Variants in MACF1 observed in about 807,000 individuals in gnomAD.
MACF1 encodes the protein microtubule-actin cross-linking factor 1.
MACF1 carries 193 observed loss-of-function variants against 854.8 expected under a neutral mutation model. The observed-to-expected ratio is 0.23, with a 90% CI of 0.20 to 0.25. The LOEUF is 0.25. Ranked by LOEUF, MACF1 falls within the 10% of genes least tolerant of loss-of-function variation. The pLI is 1.00. For synonymous variants in MACF1, 3,185 were observed against 3,226.7 expected (o/e 0.99, Z 0.44); for missense variants, 7,722 against 8,929.1 (o/e 0.86, Z 5.45).
At chr1:39,452,624 C>G in intron 86 of MACF1, 60 bp from the exon 87 acceptor site, 1 of 1,603,076 alleles carries the variant, frequency 6.2e-7, no homozygotes, top group Non-Finnish European at 8.5e-7. Flanking sequence ...CTAGCATGTC[C>G]CAGTATCTAG....
chr1:39,232,173 G>T (rs933858638), intron 2 of MACF1, among the ~76,000 whole-genome samples: 8 of 149,932 alleles, frequency 5.3e-5, no homozygotes, highest in African/African-American at 2.0e-4. Flanking sequence ...AAATAAAAGA[G>T]AAACCAAAAC....
chr1:39,175,127 A>G (rs1381275562), intron 2 of MACF1, among the ~76,000 whole-genome samples: 1 of 151,482 alleles, frequency 6.6e-6, no homozygotes, highest in East Asian at 1.9e-4. Flanking sequence ...TCCCTCCCCC[A>G]CCTTGCTCCA....
intron 6 of MACF1, among the ~76,000 whole-genome samples, chr1:39,274,774 A>C (rs746179516): frequency 1.3e-5 from 2 of 152,240 alleles, no homozygotes; most frequent in African/African-American, 2.4e-5. Flanking sequence ...AACTTGGAAC[A>C]GGTTACTAAA....
chr1:39,290,778 C>T (rs529607593), intron 15 of MACF1, among the ~76,000 whole-genome samples: 1 of 151,136 alleles, frequency 6.6e-6, no homozygotes, highest in South Asian at 2.1e-4. Flanking sequence ...AGCGATTCTC[C>T]TGTCTCAGCC....
At chr1:39,344,115 CAA>C (rs61427648) in intron 40 of MACF1, among the ~76,000 whole-genome samples, 10 of 94,734 alleles carry the variant, frequency 1.1e-4, no homozygotes, top group Admixed American at 1.2e-4. Context: ...AACTCCATCT[CAA>C]AAAAAAAAAA....
At chr1:39,312,291 G>C (rs1008602877) in intron 26 of MACF1, among the ~76,000 whole-genome samples, 1 of 152,056 alleles carries the variant, frequency 6.6e-6, no homozygotes, top group Admixed American at 6.6e-5. Context: ...AATAATTTCA[G>C]ATATATAGAA....
chr1:39,226,528 A>G (rs1046297911), intron 1 of MACF1, among the ~76,000 whole-genome samples: 1 of 151,920 alleles, frequency 6.6e-6, no homozygotes, highest in East Asian at 1.9e-4. Flanking sequence ...TTTAGTAGAG[A>G]CGGGGTTTTA....
intron 58 of MACF1, among the ~76,000 whole-genome samples, chr1:39,394,542 G>A (rs980229738): frequency 1.3e-5 from 2 of 152,114 alleles, no homozygotes; most frequent in African/African-American, 2.4e-5. Flanking sequence ...AGAATGGCTT[G>A]GACCTGGGAG....
intron 61 of MACF1, among the ~76,000 whole-genome samples, chr1:39,424,694 T>A (rs1488137161): frequency 6.6e-6 from 1 of 152,198 alleles, no homozygotes; most frequent in East Asian, 1.9e-4. Flanking sequence ...CAATAAATGG[T>A]CAAAAAGACA....
At chr1:39,249,712 A>G (rs2484756) in intron 2 of MACF1, 200,438 of 221,670 alleles carry the variant, frequency 0.9, 92,048 homozygotes, top group Non-Finnish European at 0.97. Context: ...AACTCCTAAG[A>G]TGTCTCAGGA....
chr1:39,327,396 T>A, intron 36 of MACF1, 43 bp downstream of exon 36: 1 of 1,560,728 alleles, frequency 6.4e-7, no homozygotes, highest in Non-Finnish European at 8.8e-7. Flanking sequence ...GGATACCTTT[T>A]GAATGGTATG....
intron 40 of MACF1, among the ~76,000 whole-genome samples, chr1:39,346,165 C>A (rs1042402964): frequency 7.2e-5 from 11 of 151,762 alleles, no homozygotes; most frequent in Non-Finnish European, 1.5e-4. Context: ...AGATCGAGAC[C>A]ATCTTGCTAA....
chr1:39,412,476 A>C lies in MACF1; in HGVS notation c.15817-9898A>C, dbSNP rs764544738. 5.0e-6 allele frequency: 8 copies of C among 1,614,054 alleles called. No individual in the cohort carries two copies. The South Asian group carries it at 7.7e-5, about 16-fold the overall frequency. On this transcript the variant is annotated intron_variant, in intron 58 of 100. Transcript: ENST00000564288. ...CACTTTTGGAGGATCAAGCTCCAGC[A>C]CATTTCCACAGAAACTTCCCAGAGC...
intron 100 of MACF1, chr1:39,484,932 A>G (rs898999470): frequency 9.6e-6 from 6 of 622,388 alleles, no homozygotes; most frequent in Admixed American, 2.9e-5. Context: ...CTGAGATGAG[A>G]TGCTTCCACA....
chr1:39,472,949 G>T (rs1350321397), intron 97 of MACF1, among the ~76,000 whole-genome samples: 2 of 152,182 alleles, frequency 1.3e-5, no homozygotes, highest in Non-Finnish European at 2.9e-5. Flanking sequence ...TTGCCTTAAT[G>T]CCTATGTTGC....
chr1:39,227,865 C>T (rs1240166019), intron 1 of MACF1, among the ~76,000 whole-genome samples: 1 of 152,196 alleles, frequency 6.6e-6, no homozygotes, highest in East Asian at 1.9e-4. Flanking sequence ...GGCTTATACT[C>T]ATCTTTTAAG....
In MACF1 at chr1:39,310,093, C is replaced by G. The variant is rs116590099; in HGVS notation, c.2917-152C>G. ...TTCTGCTTCTTAATCTGAATGCTGA[C>G]TAAATGGAGGAATTCAAATTATAAA... On this transcript the variant is annotated intron_variant, in intron 24 of 100. Transcript: ENST00000564288. 1,104 of 716,698 alleles carry G rather than the reference C, an allele frequency of 1.5e-3. 10 individuals are homozygous for G. In the African/African-American group the frequency reaches 0.018, roughly 11 times the overall value. The allele number at this position is 716,698 out of a possible 1,614,324, so 44.4% of individuals were successfully genotyped here. A position where few individuals can be genotyped will look rare whatever the true frequency, so the allele number is the denominator to read the frequency against.
intron 58 of MACF1, among the ~76,000 whole-genome samples, chr1:39,408,924 CG>C (rs1406340820): frequency 7.9e-5 from 12 of 151,820 alleles, no homozygotes; most frequent in East Asian, 3.9e-4. Flanking sequence ...CTCCTCTCCC[CG>C]GCCCCGCCCC....
At chr1:39,095,486 C>T (rs1173729830) in intron 2 of MACF1, among the ~76,000 whole-genome samples, 1 of 150,648 alleles carries the variant, frequency 6.6e-6, no homozygotes, top group Non-Finnish European at 1.5e-5. Context: ...TCATTTGAAC[C>T]CAGGAGGAGG....
Sources: allele counts gnomAD v4.1 joint callset (sites outside exome capture counted in the v4.1 genomes callset), GRCh38; gene constraint gnomAD v4.1.1; transcripts MANE v1.5; gene names NCBI Gene and HGNC (gene_info 2026-07-23, HGNC 2026-07-21).